Variants in FHIT observed in about 807,000 individuals in gnomAD.
FHIT encodes fragile histidine triad diadenosine triphosphatase.
A neutral mutation model predicts 17.9 loss-of-function variants in FHIT; 19 were observed. The ratio of observed to expected loss-of-function variants is 1.06; its 90% confidence interval spans 0.74 to 1.56. The LOEUF (loss-of-function observed/expected upper bound fraction) is 1.56, where lower values mean the gene tolerates loss of function less well. FHIT is among the 40% of genes most tolerant of loss of function. The probability of loss-of-function intolerance (pLI) is 0.00; values close to 1 mark genes in which losing one functional copy is unlikely to be tolerated. For missense variants in FHIT, 248 were observed against 189.2 expected (o/e 1.31, Z -1.82); for synonymous variants, 81 against 69.7 (o/e 1.16, Z -0.81).
At chr3:60,090,845 A>G (rs7644933) in intron 5 of FHIT, among the ~76,000 whole-genome samples, 2,462 of 152,292 alleles carry the variant, frequency 0.016, 54 homozygotes, top group African/African-American at 0.056. Context: ...GTGAAAGAAG[A>G]TCTGTTGTCT....
At chr3:60,200,503 T>TTC (rs932731692) in intron 5 of FHIT, among the ~76,000 whole-genome samples, 1 of 152,128 alleles carries the variant, frequency 6.6e-6, no homozygotes, top group Non-Finnish European at 1.5e-5. Context: ...GAATGTAATT[T>TTC]TGTATAAAAT....
intron 1 of FHIT, among the ~76,000 whole-genome samples, chr3:61,216,233 C>A (rs2039670351): frequency 6.6e-6 from 1 of 152,150 alleles, no homozygotes; most frequent in African/African-American, 2.4e-5. Flanking sequence ...AAAATGTTTG[C>A]AACCTACTCA....
chr3:60,627,580 G>A (rs1403094201), intron 4 of FHIT, among the ~76,000 whole-genome samples: 4 of 152,116 alleles, frequency 2.6e-5, no homozygotes, highest in Non-Finnish European at 5.9e-5. Context: ...CTGGAGTGCA[G>A]TGGCGGGATC....
intron 3 of FHIT, among the ~76,000 whole-genome samples, chr3:60,883,315 T>A (rs538162829): frequency 6.6e-6 from 1 of 152,266 alleles, no homozygotes; most frequent in South Asian, 2.1e-4. Context: ...ACAGATTTGA[T>A]GTAAACCTTT....
At chr3:59,927,294 A>G (rs1441842031) in intron 7 of FHIT, among the ~76,000 whole-genome samples, 2 of 152,162 alleles carry the variant, frequency 1.3e-5, no homozygotes, top group Non-Finnish European at 2.9e-5. Context: ...AGAGGGATGC[A>G]GGGTAACTGC....
chr3:60,822,426 T>A (rs1553739646), intron 3 of FHIT, among the ~76,000 whole-genome samples: 1 of 152,164 alleles, frequency 6.6e-6, no homozygotes, highest in East Asian at 1.9e-4. Flanking sequence ...TGGTGGTCTA[T>A]GCCAAGTCAC....
At chr3:60,921,153 G>C (rs1044306485) in intron 3 of FHIT, among the ~76,000 whole-genome samples, 16 of 152,148 alleles carry the variant, frequency 1.1e-4, no homozygotes, top group African/African-American at 3.6e-4. Flanking sequence ...ACTTCTGAGT[G>C]GTGGGTAAAA....
At chr3:60,923,186 T>C (rs927155186) in intron 3 of FHIT, among the ~76,000 whole-genome samples, 1 of 152,168 alleles carries the variant, frequency 6.6e-6, no homozygotes, top group African/African-American at 2.4e-5. Context: ...TAAGTTGTCA[T>C]TTTTTTACAA....
At chr3:59,812,158 G>A (rs945653772) in intron 8 of FHIT, among the ~76,000 whole-genome samples, 5 of 152,070 alleles carry the variant, frequency 3.3e-5, no homozygotes, top group Admixed American at 1.3e-4. Context: ...GTTGCCAAAC[G>A]ATCAGCCATG....
At chr3:59,947,813 C>T (rs761000842) in intron 7 of FHIT, among the ~76,000 whole-genome samples, 1 of 152,210 alleles carries the variant, frequency 6.6e-6, no homozygotes, top group South Asian at 2.1e-4. Context: ...TCCATGCTTA[C>T]TAGCATGTGC....
chr3:60,761,563 A>T (rs1699657515), intron 4 of FHIT, among the ~76,000 whole-genome samples: 1 of 152,018 alleles, frequency 6.6e-6, no homozygotes, highest in South Asian at 2.1e-4. Context: ...GAACAAAATC[A>T]AGCAATTATC....
intron 3 of FHIT, among the ~76,000 whole-genome samples, chr3:60,904,597 A>G (rs1706299882): frequency 6.6e-6 from 1 of 152,248 alleles, no homozygotes; most frequent in South Asian, 2.1e-4. Context: ...ATAGGAGAAA[A>G]TATTTATAAA....
chr3:60,114,985 CTATT>C (rs1704890051), intron 5 of FHIT, among the ~76,000 whole-genome samples: 1 of 152,040 alleles, frequency 6.6e-6, no homozygotes, highest in African/African-American at 2.4e-5. Context: ...CAATGGCTAA[CTATT>C]TAAGGAAAAT....
At chr3:60,261,785 A>AGACT (rs1248121773) in intron 5 of FHIT, among the ~76,000 whole-genome samples, 1 of 151,990 alleles carries the variant, frequency 6.6e-6, no homozygotes, top group Non-Finnish European at 1.5e-5. Flanking sequence ...CCTCTGAAGC[A>AGACT]GACTATACAG....
chr3:61,212,427 T>G (rs1334984112), intron 1 of FHIT, among the ~76,000 whole-genome samples: 4 of 151,904 alleles, frequency 2.6e-5, no homozygotes, highest in Non-Finnish European at 4.4e-5. Context: ...ATGAATGAAA[T>G]GAAGCAAGAA....
chr3:60,771,361 C>G (rs1023320860), intron 4 of FHIT, among the ~76,000 whole-genome samples: 1 of 152,232 alleles, frequency 6.6e-6, no homozygotes, highest in South Asian at 2.1e-4. Flanking sequence ...CATATCAATA[C>G]TCTTTCTGAA....
chr3:59,839,903 A>C (rs1701469259), intron 8 of FHIT, among the ~76,000 whole-genome samples: 1 of 152,208 alleles, frequency 6.6e-6, no homozygotes, highest in African/African-American at 2.4e-5. Context: ...TGAAGTGACA[A>C]GGTCCCTCAA....
intron 5 of FHIT, among the ~76,000 whole-genome samples, chr3:60,038,050 C>A (rs772942824): frequency 6.6e-6 from 1 of 152,068 alleles, no homozygotes; most frequent in Non-Finnish European, 1.5e-5. Flanking sequence ...AATAAACACC[C>A]AAACACCTTT....
intron 8 of FHIT, among the ~76,000 whole-genome samples, chr3:59,831,479 T>C (rs1004081036): frequency 4.6e-5 from 7 of 152,066 alleles, no homozygotes; most frequent in Admixed American, 1.3e-4. Flanking sequence ...AAAGCTGAAA[T>C]AGAAGCCAAG....
Sources: allele counts gnomAD v4.1 joint callset (sites outside exome capture counted in the v4.1 genomes callset), GRCh38; gene constraint gnomAD v4.1.1; transcripts MANE v1.5; gene names NCBI Gene and HGNC (gene_info 2026-07-23, HGNC 2026-07-21).